The following CEP290 variants were observed in gnomAD, a reference collection of about 807,000 sequenced individuals.
CEP290 encodes centrosomal protein of 290 kDa.
Under a neutral mutation model 344.9 loss-of-function variants are expected in CEP290, and 317 were observed. That is an observed-to-expected ratio of 0.92 (90% CI 0.84 to 1.01). CEP290 has a LOEUF of 1.01. CEP290 is among the 50% of genes least tolerant of loss of function. CEP290 has a pLI of 0.00. For synonymous variants in CEP290, 932 were observed against 895.8 expected, an observed-to-expected ratio of 1.04 and a Z score of -0.72; for missense variants, 2,754 against 2,761.4, an observed-to-expected ratio of 1.00 and a Z score of 0.06.
At chr12:88,087,983 T>A in intron 31 of CEP290, 39 bp from the exon 32 acceptor site, 1 of 822,500 alleles carries the variant, frequency 1.2e-6, no homozygotes, top group Non-Finnish European at 1.7e-6. Flanking sequence ...ATAAATGCTA[T>A]ATTAACAAAT....
At position 88,118,708 on chromosome 12, in the gene CEP290, A is replaced by G. The variant is rs147371999; in HGVS notation, c.1558T>C (p.Phe520Leu). 1,655 of 1,612,938 alleles carry G rather than the reference A, an allele frequency of 1.0e-3. 20 individuals are homozygous for G. The African/African-American group carries it at 0.019, about 18-fold the overall frequency. ...EPKTMIDLTE[F>L]RNSKHLKQQQ... ...TGTTTTAAGTGTTTGCTATTTCTAA[A>G]TTCAGTTAAATCAATCATTGTCTTT... Residue 520 changes from phenylalanine to leucine, a missense_variant, in exon 16 of 54, where the codon TTT becomes CTT. By Grantham distance (22) the Phe-to-Leu change is conservative (BLOSUM62 0). Coordinates refer to ENST00000552810, the MANE Select transcript of CEP290 (RefSeq NM_025114.4).
At chr12:88,119,782 T>A (rs2039290807) in intron 15 of CEP290, among the ~76,000 whole-genome samples, 1 of 152,088 alleles carries the variant, frequency 6.6e-6, no homozygotes, top group Admixed American at 6.6e-5. Flanking sequence ...ACATGGGTAA[T>A]ACAGACCCTA....
Position 88,062,752 on chromosome 12 carries a change from C to A in CEP290, c.6297G>T (p.Met2099Ile), listed in dbSNP as rs753507165. 1 of 1,589,948 alleles carries A rather than the reference C, an allele frequency of 6.3e-7. No individual in the cohort carries two copies. Among genetic ancestry groups the A allele is most frequent in the Non-Finnish European group, 8.6e-7 (1 of 1,166,484 alleles). ...LKNQVRDLKE[M>I]CEFLKKEKAE... Reference sequence around the variant, plus strand: ...CTTTTTCTTTCTTAAGAAATTCACACATTTCCTTCAAATCTCTGACTTGAT... The same window carrying A: ...CTTTTTCTTTCTTAAGAAATTCACAAATTTCCTTCAAATCTCTGACTTGAT... Residue 2099 changes from methionine (M) to isoleucine (I), a missense_variant, in exon 46 of 54, where the codon ATG becomes ATT. By Grantham distance (10) the Met-to-Ile change is conservative (BLOSUM62 1). Coordinates refer to ENST00000552810, the MANE Select transcript of CEP290 (RefSeq NM_025114.4).
chr12:88,113,504 T>C (rs1225567676), intron 20 of CEP290, among the ~76,000 whole-genome samples: 4 of 152,024 alleles, frequency 2.6e-5, no homozygotes, highest in Non-Finnish European at 5.9e-5. Flanking sequence ...TTTTAAAAAG[T>C]ATCCAATTAC....
Position 88,121,109 on chromosome 12 carries a change from A to G in CEP290, c.1247T>C (p.Leu416Ser). ...CTCAGCCTCTTTAGTTTTCTCTTTT[A>G]AAATGTCTAACGTTGACTGAATTTT... ...HMKIQSTLDI[L>S]KEKTKEAERT... The change falls in exon 14 of 54, where the codon TTA becomes TCA. Residue 416 changes from leucine to serine, a missense_variant. By Grantham distance (145) the Leu-to-Ser change is moderately radical. Transcript: ENST00000552810. 6.2e-7 allele frequency: 1 copy of G among 1,613,480 alleles called. No homozygotes were observed. Among genetic ancestry groups the G allele is most frequent in the African/African-American group, 1.3e-5 (1 of 75,026 alleles).
chr12:88,117,193 T>A (rs1341093083), intron 17 of CEP290, 48 bp from the exon 18 acceptor site: 1 of 881,116 alleles, frequency 1.1e-6, no homozygotes, highest in Non-Finnish European at 1.7e-6. Flanking sequence ...ATAACCCTCC[T>A]ACTATTCCAA....
intron 37 of CEP290, 135 bp from the exon 38 acceptor site, chr12:88,080,530 A>G: frequency 4.8e-6 from 3 of 630,892 alleles, no homozygotes; most frequent in South Asian, 2.4e-5. Context: ...CCCAGATTCA[A>G]GTGATTTTTT....
chr12:88,106,766 T>G lies in CEP290; in HGVS notation c.2726A>C (p.Gln909Pro). 1 of 1,610,798 alleles carries G rather than the reference T, an allele frequency of 6.2e-7. No homozygotes were observed. Among genetic ancestry groups the G allele is most frequent in the Non-Finnish European group, 8.5e-7 (1 of 1,178,196 alleles). The change falls in exon 25 of 54, where the codon CAA becomes CCA. Residue 909 changes from glutamine (Q) to proline (P), a missense_variant. Coordinates refer to ENST00000552810, the MANE Select transcript of CEP290 (RefSeq NM_025114.4). ...QYTTLVELER[Q>P]LRKENEKQKN... is the part of the protein sequence containing the mutation. ...TTGCTTCTCATTTTCTTTTCTAAGT[T>G]GTCGCTCCAATTCTACTAAGGTTGT...
At chr12:88,065,361 G>A (rs1228062069) in intron 44 of CEP290, among the ~76,000 whole-genome samples, 1 of 151,984 alleles carries the variant, frequency 6.6e-6, no homozygotes, top group Non-Finnish European at 1.5e-5. Context: ...AGATGTGTGT[G>A]CACATGCACA....
chr12:88,078,974 C>G (rs2035987752), intron 39 of CEP290, 118 bp downstream of exon 39: 1 of 758,204 alleles, frequency 1.3e-6, no homozygotes, highest in East Asian at 3.2e-5. Flanking sequence ...TATGTCTAGC[C>G]ACCAACAGTG....
At chr12:88,060,566 A>C (rs1017891164) in intron 47 of CEP290, among the ~76,000 whole-genome samples, 2 of 151,270 alleles carry the variant, frequency 1.3e-5, no homozygotes, top group African/African-American at 4.9e-5. Context: ...TCTCAAAAGA[A>C]AAAAAAAAGA....
chr12:88,100,708 T>A lies in CEP290; in HGVS notation c.2991+2130A>T, dbSNP rs181965933. Among the ~76,000 whole-genome samples, 409 of 152,184 alleles carry A rather than the reference T, an allele frequency of 2.7e-3. 1 individual carries two copies. Among genetic ancestry groups the A allele is most frequent in the Non-Finnish European group, 4.0e-3 (275 of 68,010 alleles). On this transcript the variant is annotated intron_variant, in intron 26 of 53. Coordinates refer to ENST00000552810, the MANE Select transcript of CEP290 (RefSeq NM_025114.4). ...AAATATGTACTATGTACAAAACCTA[T>A]GTATAAGATGCAGAACTAGTGTAGA...
chr12:88,071,408 G>T lies in CEP290; in HGVS notation c.5897C>A (p.Thr1966Lys). The T allele has an allele frequency of 6.2e-7, 1 of 1,610,904 alleles. No homozygotes were observed. Among genetic ancestry groups the T allele is most frequent in the African/African-American group, 1.3e-5 (1 of 74,790 alleles). The change falls in exon 43 of 54, where the codon ACA becomes AAA. Residue 1966 changes from threonine to lysine, a missense_variant. By Grantham distance (78) the Thr-to-Lys change is moderately conservative. Coordinates refer to ENST00000552810, the MANE Select transcript of CEP290 (RefSeq NM_025114.4). ...AACCTGATCAACAGTCATGCCAGTTGTTTTTAGTTTCCTCTGCAAAGTAAG... is the reference window on the plus strand; with the variant it reads ...AACCTGATCAACAGTCATGCCAGTTTTTTTTAGTTTCCTCTGCAAAGTAAG... ...EKLTLQRKLK[T>K]TGMTVDQVLG...
chr12:88,134,193 T>C (rs568256563), intron 6 of CEP290, among the ~76,000 whole-genome samples: 4 of 152,270 alleles, frequency 2.6e-5, no homozygotes, highest in Admixed American at 2.6e-4. Context: ...TCCTCTTGTG[T>C]TCCTCCTTAA....
At chr12:88,091,212 T>G (rs2037012706) in intron 29 of CEP290, among the ~76,000 whole-genome samples, 1 of 152,138 alleles carries the variant, frequency 6.6e-6, no homozygotes, top group African/African-American at 2.4e-5. Context: ...CATAAAACAT[T>G]TATTGTCATA....
Position 88,060,825 on chromosome 12 carries a change from A to AG in CEP290, c.6522+4_6522+5insC. ...CCTAAAAATGATCACATTAAAAAAAATTACCTTCAATTTTTCATTTTCCTG... is the reference window on the plus strand; with the variant it reads ...CCTAAAAATGATCACATTAAAAAAAAGTTACCTTCAATTTTTCATTTTCCTG... On this transcript the variant is annotated splice_donor_region_variant and intron_variant, in intron 47 of 53. Coordinates refer to ENST00000552810, the MANE Select transcript of CEP290 (RefSeq NM_025114.4). 6.6e-7 allele frequency: 1 copy of AG among 1,514,788 alleles called. No individual in the cohort carries two copies. The highest frequency in any genetic ancestry group is 1.3e-5 in the South Asian group (1 of 76,076). The allele number at this position is 1,514,788 out of a possible 1,614,324, so 93.8% of individuals were successfully genotyped here.
At position 88,092,645 on chromosome 12, in the gene CEP290, T is replaced by A. The variant is rs2037136786; in HGVS notation, c.3461+36A>T. The A allele has an allele frequency of 1.9e-6, 3 of 1,569,784 alleles. No homozygotes were observed. The Admixed American group carries it at 5.7e-5, about 30-fold the overall frequency. ...TTAAAGACAAATTAAAGAAGATACA[T>A]CTAGTCAAATGGCTAAAATGCTTAT... On this transcript the variant is annotated intron_variant, in intron 29 of 53. Coordinates refer to ENST00000552810, the MANE Select transcript of CEP290 (RefSeq NM_025114.4).
At chr12:88,081,365 T>C (rs954517726) in intron 37 of CEP290, among the ~76,000 whole-genome samples, 3 of 152,362 alleles carry the variant, frequency 2.0e-5, no homozygotes, top group Non-Finnish European at 4.4e-5. Flanking sequence ...TAGCATTATA[T>C]CTATAACTAT....
In CEP290 at chr12:88,083,943, TTC is replaced by T; in HGVS notation, c.4714_4715del (p.Glu1572AsnfsTer6). ...LLEKAREEQREIVKKHEEDLH... is the reference protein window; with the variant it reads ...LLEKAREEQRXIVKKHEEDLH... Reference sequence around the variant, plus strand: ...GGTCTTCCTCATGTTTCTTCACAATTTCTCTTTGCTCCTGTTTTACAGAAAAT... The same window carrying T: ...GGTCTTCCTCATGTTTCTTCACAATTTCTTTGCTCCTGTTTTACAGAAAAT... On this transcript the variant is annotated frameshift_variant, in exon 36 of 54. Coordinates refer to ENST00000552810, the MANE Select transcript of CEP290 (RefSeq NM_025114.4). LOFTEE classifies it high-confidence loss of function. 1 of 1,586,876 alleles carries T rather than the reference TTC, an allele frequency of 6.3e-7. No individual in the cohort carries two copies. The highest frequency in any genetic ancestry group is 1.1e-5 in the South Asian group (1 of 86,960).
Sources: gnomAD v4.1 joint callset for allele counts (sites outside exome capture counted in the v4.1 genomes callset) on GRCh38, gnomAD v4.1.1 for gene constraint, MANE v1.5 for transcripts, NCBI Gene and HGNC (gene_info 2026-07-23, HGNC 2026-07-21) for gene names.